Variants in ATP8A2 observed in about 807,000 individuals in gnomAD.
The protein encoded by ATP8A2 is phospholipid-transporting ATPase IB.
ATP8A2 carries 100 observed loss-of-function variants against 165.6 expected under a neutral mutation model. That is an observed-to-expected ratio of 0.60 (90% CI 0.51 to 0.71). The LOEUF is 0.71. Ranked by LOEUF, ATP8A2 falls within the 30% of genes least tolerant of loss-of-function variation. The probability of loss-of-function intolerance (pLI) is 0.00; values close to 1 mark genes in which losing one functional copy is unlikely to be tolerated. For synonymous variants in ATP8A2, 543 were observed against 548.8 expected (o/e 0.99, Z 0.15); for missense variants, 1,227 against 1,479.5 (o/e 0.83, Z 2.80).
intron 2 of ATP8A2, among the ~76,000 whole-genome samples, chr13:25,504,948 T>C (rs1282781003): frequency 6.6e-6 from 1 of 152,208 alleles, no homozygotes; most frequent in Non-Finnish European, 1.5e-5. Flanking sequence ...TCGGTTTGTA[T>C]TCTCAGAATT....
At chr13:25,461,570 A>T (rs989077679) in intron 1 of ATP8A2, among the ~76,000 whole-genome samples, 1 of 152,180 alleles carries the variant, frequency 6.6e-6, no homozygotes, top group Non-Finnish European at 1.5e-5. Flanking sequence ...GCAAAGAGAA[A>T]ACTACACTTA....
At chr13:25,647,295 A>G (rs1184755132) in intron 24 of ATP8A2, among the ~76,000 whole-genome samples, 1 of 152,196 alleles carries the variant, frequency 6.6e-6, no homozygotes, top group Non-Finnish European at 1.5e-5. Context: ...AATGATGATA[A>G]ACTTCCTTAG....
intron 29 of ATP8A2, among the ~76,000 whole-genome samples, chr13:25,839,025 G>A (rs1951694121): frequency 6.6e-6 from 1 of 152,168 alleles, no homozygotes; most frequent in Admixed American, 6.5e-5. Context: ...AGAAGAAGTT[G>A]AGTGAGAGGG....
Position 25,625,168 on chromosome 13 carries a change from GGAGA to G in ATP8A2, c.2211+35470_2211+35473del, listed in dbSNP as rs1240301116. 2.0e-5 allele frequency among the ~76,000 whole-genome samples: 3 copies of G among 152,184 alleles called. No individual in the cohort carries two copies. The East Asian group carries it at 5.8e-4, about 29-fold the overall frequency. ...TTCTTGCCTCAACAAGTGGAGAATT[GGAGA>G]TACTCTTCATGAGGAGTGACACTCA... On this transcript the variant is annotated intron_variant, in intron 24 of 36. Transcript: ENST00000381655.
chr13:25,539,453 T>C (rs2038399721), intron 7 of ATP8A2, among the ~76,000 whole-genome samples: 1 of 152,024 alleles, frequency 6.6e-6, no homozygotes, highest in Non-Finnish European at 1.5e-5. Context: ...CAGATTGCTT[T>C]AGCTGACATC....
chr13:25,518,404 A>C (rs2037547478), intron 2 of ATP8A2, among the ~76,000 whole-genome samples: 1 of 152,208 alleles, frequency 6.6e-6, no homozygotes, highest in African/African-American at 2.4e-5. Context: ...TTGAACGCTT[A>C]CTGTATGTTG....
chr13:25,981,812 G>A (rs1956174384), intron 35 of ATP8A2, among the ~76,000 whole-genome samples: 1 of 152,102 alleles, frequency 6.6e-6, no homozygotes, highest in Non-Finnish European at 1.5e-5. Context: ...GAAGTCTTTA[G>A]TAAGAATAGA....
chr13:25,683,742 T>C (rs1216937833), intron 24 of ATP8A2, among the ~76,000 whole-genome samples: 1 of 151,954 alleles, frequency 6.6e-6, no homozygotes, highest in Non-Finnish European at 1.5e-5. Context: ...TTGTGGCAAA[T>C]TGATGGTCAA....
At chr13:25,563,433 G>A (rs2138133700) in intron 15 of ATP8A2, among the ~76,000 whole-genome samples, 1 of 152,140 alleles carries the variant, frequency 6.6e-6, no homozygotes, top group Non-Finnish European at 1.5e-5. Flanking sequence ...TCAGGAGGGA[G>A]TGGAGATAAA....
intron 24 of ATP8A2, among the ~76,000 whole-genome samples, chr13:25,605,444 G>C (rs922816756): frequency 2.6e-5 from 4 of 151,854 alleles, no homozygotes; most frequent in African/African-American, 9.7e-5. Context: ...TATTAATGAG[G>C]AAAAAGAAAA....
Position 25,530,677 on chromosome 13 carries a change from G to C in ATP8A2, c.420+17G>C. 1 of 1,452,764 alleles carries C rather than the reference G, an allele frequency of 6.9e-7. No homozygotes were observed. The highest frequency in any genetic ancestry group is 9.5e-7 in the Non-Finnish European group (1 of 1,049,416). The allele number at this position is 1,452,764 out of a possible 1,614,324, so 90.0% of individuals were successfully genotyped here. A position where few individuals can be genotyped will look rare whatever the true frequency, so the allele number is the denominator to read the frequency against. ...GAAGATTTTGTAAGTTTTTGCTTTTGGATAATAAAATCATTGTATGCAGTA... is the reference window on the plus strand; with the variant it reads ...GAAGATTTTGTAAGTTTTTGCTTTTCGATAATAAAATCATTGTATGCAGTA... On this transcript the variant is annotated intron_variant, in intron 4 of 36. Coordinates refer to ENST00000381655, the MANE Select transcript of ATP8A2 (RefSeq NM_016529.6).
At position 25,561,827 on chromosome 13, in the gene ATP8A2, A is replaced by G. The variant is rs930463340; in HGVS notation, c.1397+2062A>G. Among the ~76,000 whole-genome samples, 4 of 152,098 alleles carry G rather than the reference A, an allele frequency of 2.6e-5. No individual in the cohort carries two copies. In the South Asian group the frequency reaches 6.2e-4, roughly 24 times the overall value. On this transcript the variant is annotated intron_variant, in intron 15 of 36. Coordinates refer to ENST00000381655, the MANE Select transcript of ATP8A2 (RefSeq NM_016529.6). ...AACCACCATTCTGTTTTCTGTCTCT[A>G]TGATTTTGCCTGTTCTAGGTACCTC...
At chr13:25,581,228 C>G (rs980778134) in intron 22 of ATP8A2, among the ~76,000 whole-genome samples, 5 of 152,120 alleles carry the variant, frequency 3.3e-5, no homozygotes, top group Non-Finnish European at 7.3e-5. Flanking sequence ...TTTGCCCGAC[C>G]AGCAGGCACA....
intron 1 of ATP8A2, among the ~76,000 whole-genome samples, chr13:25,378,251 T>C (rs913389553): frequency 1.1e-4 from 16 of 152,332 alleles, no homozygotes; most frequent in Admixed American, 9.8e-4. Flanking sequence ...TGACGGTTCA[T>C]TTCTTCCCTC....
chr13:25,461,467 G>A (rs2035500166), intron 1 of ATP8A2, among the ~76,000 whole-genome samples: 1 of 152,160 alleles, frequency 6.6e-6, no homozygotes, highest in Non-Finnish European at 1.5e-5. Context: ...ACTCTTTTGA[G>A]GAGCGGAATG....
chr13:25,876,604 A>G (rs997720053), intron 33 of ATP8A2, among the ~76,000 whole-genome samples: 4 of 152,232 alleles, frequency 2.6e-5, no homozygotes, highest in African/African-American at 7.2e-5. Flanking sequence ...TGACCATGAA[A>G]AAAGATCCTT....
At chr13:25,955,308 A>C (rs957543767) in intron 33 of ATP8A2, among the ~76,000 whole-genome samples, 4 of 152,112 alleles carry the variant, frequency 2.6e-5, no homozygotes, top group Admixed American at 6.5e-5. Context: ...GACATGAAAA[A>C]CCCTTCAAAA....
intron 28 of ATP8A2, among the ~76,000 whole-genome samples, chr13:25,832,293 T>C (rs944084233): frequency 1.3e-5 from 2 of 152,184 alleles, no homozygotes; most frequent in African/African-American, 4.8e-5. Flanking sequence ...CCAATGCTGC[T>C]AGGATCAAAT....
chr13:25,378,999 T>G (rs1357354015), intron 1 of ATP8A2, among the ~76,000 whole-genome samples: 1 of 152,268 alleles, frequency 6.6e-6, no homozygotes, highest in Non-Finnish European at 1.5e-5. Context: ...ATTTGTATAC[T>G]TTTCTTTTTA....
Sources: allele counts gnomAD v4.1 joint callset (sites outside exome capture counted in the v4.1 genomes callset), GRCh38; gene constraint gnomAD v4.1.1; transcripts MANE v1.5; gene names NCBI Gene and HGNC (gene_info 2026-07-23, HGNC 2026-07-21).